Variants in PCDHGA4 observed in about 807,000 individuals in gnomAD.
The protein encoded by PCDHGA4 is protocadherin gamma-A4.
PCDHGA4 carries 38 observed loss-of-function variants against 54.6 expected under a neutral mutation model. That is an observed-to-expected ratio of 0.70 (90% CI 0.54 to 0.91). PCDHGA4 has a LOEUF of 0.91. Ranked by LOEUF, PCDHGA4 falls within the 40% of genes least tolerant of loss-of-function variation. PCDHGA4 has a pLI of 0.00. For missense variants in PCDHGA4, 1,298 were observed against 1,220.9 expected, an observed-to-expected ratio of 1.06 and a Z score of -0.94; for synonymous variants, 511 against 512.9, an observed-to-expected ratio of 1.00 and a Z score of 0.05.
rs142728816 is a variant in PCDHGA4 at position 141,356,050 on chromosome 5, G to T, written c.943G>T (p.Val315Leu). The change falls in exon 1 of 4, where the codon GTA becomes TTA. Residue 315 changes from valine to leucine, a missense_variant. By Grantham distance (32) the Val-to-Leu change is conservative. Coordinates refer to ENST00000571252, the MANE Select transcript of PCDHGA4 (RefSeq NM_018917.4). ...AGACGTGACGTATTCTTTCCGGAAA[G>T]TAAGAGACAAAATATCACAGCTATT... Reference protein sequence around the residue: ...NGDVTYSFRKVRDKISQLFQL... With the variant: ...NGDVTYSFRKLRDKISQLFQL... 1,749 of 1,613,978 alleles carry T rather than the reference G, an allele frequency of 1.1e-3. 32 individuals carry two copies. In the East Asian group the frequency reaches 0.034, roughly 31 times the overall value.
At position 141,355,176 on chromosome 5, in the gene PCDHGA4, C is replaced by T. The variant is rs1424920703; in HGVS notation, c.69C>T (p.His23=). ...CCTCGACAGAGGGAAAACCGAAGCA[C>T]AGGCGACTCCGCGGCGGGGTTGTAA... is the stretch of plus-strand genomic sequence containing the variant. The part of the protein sequence containing the change: ...PQASTEGKPK[H]RRLRGGVVMA... The change falls in exon 1 of 4, where the codon CAC becomes CAT. Residue 23 remains histidine, a synonymous_variant. Coordinates refer to ENST00000571252, the MANE Select transcript of PCDHGA4 (RefSeq NM_018917.4). 15 of 1,579,122 alleles carry T rather than the reference C, an allele frequency of 9.5e-6. No homozygotes were observed. Among genetic ancestry groups the T allele is most frequent in the African/African-American group, 1.4e-5 (1 of 73,916 alleles).
chr5:141,505,402 T>G lies in PCDHGA4; in HGVS notation c.2583T>G (p.Asn861Lys), dbSNP rs1216666169. 1.9e-6 allele frequency: 3 copies of G among 1,614,014 alleles called. No homozygotes were observed. Among genetic ancestry groups the G allele is most frequent in the Non-Finnish European group, 2.5e-6 (3 of 1,180,034 alleles). Residue 861 changes from asparagine (N) to lysine (K), a missense_variant, in exon 3 of 4, where the codon AAT (asparagine) becomes AAG (lysine). Coordinates refer to ENST00000571252, the MANE Select transcript of PCDHGA4 (RefSeq NM_018917.4). The part of the protein sequence containing the change: ...AQRPGTSGSQ[N>K]GDDTGTWPNN... ...CCTACTCTCTCCCCAGCTCCCAAAA[T>G]GGCGATGACACCGGCACCTGGCCCA...
At chr5:141,394,060 C>T (rs1437765710) in intron 1 of PCDHGA4, 1 of 1,613,662 alleles carries the variant, frequency 6.2e-7, no homozygotes, top group Non-Finnish European at 8.5e-7. Context: ...GAAAATGTCT[C>T]TATCTACAAT....
At chr5:141,385,163 A>G in intron 1 of PCDHGA4, 1 of 1,614,182 alleles carries the variant, frequency 6.2e-7, no homozygotes, top group Admixed American at 1.7e-5. Flanking sequence ...ACCTATTCCC[A>G]TGAGGTCTCC....
chr5:141,415,515 G>A (rs752258863), intron 1 of PCDHGA4: 5 of 1,614,152 alleles, frequency 3.1e-6, no homozygotes, highest in South Asian at 1.1e-5. Flanking sequence ...CCAATTATGC[G>A]GACACGCTCA....
chr5:141,429,955 A>G (rs971940539), intron 1 of PCDHGA4, among the ~76,000 whole-genome samples: 1 of 152,202 alleles, frequency 6.6e-6, no homozygotes, highest in Non-Finnish European at 1.5e-5. Context: ...TTTCCAGTCA[A>G]TGCAAGTTGG....
intron 1 of PCDHGA4, among the ~76,000 whole-genome samples, chr5:141,466,268 T>A (rs568525260): frequency 6.6e-6 from 1 of 152,150 alleles, no homozygotes; most frequent in Non-Finnish European, 1.5e-5. Context: ...CCTCGTGAGC[T>A]CAAGCAATCT....
intron 1 of PCDHGA4, among the ~76,000 whole-genome samples, chr5:141,425,585 A>G (rs1270579511): frequency 6.6e-6 from 1 of 152,252 alleles, no homozygotes; most frequent in African/African-American, 2.4e-5. Flanking sequence ...GGCTAACTTT[A>G]TTCTGAATAT....
At chr5:141,372,803 G>A (rs539583252) in intron 1 of PCDHGA4, 71 of 1,593,016 alleles carry the variant, frequency 4.5e-5, no homozygotes, top group Non-Finnish European at 6.1e-5. Flanking sequence ...CAGGCAATTT[G>A]CAAAAGGTGA....
At position 141,489,318 on chromosome 5, in the gene PCDHGA4, G is replaced by T; in HGVS notation, c.2515-5489G>T. On this transcript the variant is annotated intron_variant, in intron 1 of 3. Coordinates refer to ENST00000571252, the MANE Select transcript of PCDHGA4 (RefSeq NM_018917.4). The surrounding 1 kb of genome is among the most constrained non-coding windows in gnomAD (Gnocchi z 4.5). ...TGTTGTCCTTGTGCTGCTGGGGCTG[G>T]GTGTCTGGGCAGCTTCGTTACTCAG... The T allele has an allele frequency of 6.3e-7, 1 of 1,599,092 alleles. No homozygotes were observed. Among genetic ancestry groups the T allele is most frequent in the Non-Finnish European group, 8.5e-7 (1 of 1,171,660 alleles).
At chr5:141,423,256 G>C (rs751894091) in intron 1 of PCDHGA4, 1 of 1,613,934 alleles carries the variant, frequency 6.2e-7, no homozygotes. Flanking sequence ...GGCGGACCTC[G>C]GCAGCCTCGA....
chr5:141,393,894 C>G lies in PCDHGA4; in HGVS notation c.2514+36273C>G, dbSNP rs201697840. 1.3e-3 allele frequency: 2,063 copies of G among 1,614,000 alleles called. 4 individuals are homozygous for G. Among genetic ancestry groups the G allele is most frequent in the Non-Finnish European group, 1.6e-3 (1,902 of 1,179,890 alleles). On this transcript the variant is annotated intron_variant, in intron 1 of 3. Transcript: ENST00000571252. ...GTTTAGCCCAGTGTTAGAAAATTCT[C>G]TTCCCGGGACAGTAATTGCCTTCTT...
intron 1 of PCDHGA4, chr5:141,427,985 C>T (rs747784722): frequency 3.1e-6 from 5 of 1,597,522 alleles, no homozygotes; most frequent in African/African-American, 2.7e-5. Context: ...CGCTGGGGCC[C>T]GATGGCTCCG....
At chr5:141,419,617 C>G (rs780077182) in intron 1 of PCDHGA4, 1 of 1,612,280 alleles carries the variant, frequency 6.2e-7, no homozygotes. Flanking sequence ...AGCCAGGCTA[C>G]CTGGTGACCA....
At chr5:141,430,220 G>A (rs1216694883) in intron 1 of PCDHGA4, among the ~76,000 whole-genome samples, 1 of 148,674 alleles carries the variant, frequency 6.7e-6, no homozygotes, top group Non-Finnish European at 1.5e-5. Flanking sequence ...TATATTATAT[G>A]ATTTGTCAAA....
intron 1 of PCDHGA4, among the ~76,000 whole-genome samples, chr5:141,475,253 A>C (rs2099360990): frequency 6.6e-6 from 1 of 152,200 alleles, no homozygotes; most frequent in Non-Finnish European, 1.5e-5. Flanking sequence ...GTGCTCTACA[A>C]CTGAGATCAT....
intron 1 of PCDHGA4, chr5:141,371,815 T>C (rs966835739): frequency 1.2e-6 from 2 of 1,613,738 alleles, no homozygotes; most frequent in Non-Finnish European, 1.7e-6. Context: ...ATTGCGCATG[T>C]CAGAGCCTCG....
In PCDHGA4 at chr5:141,489,705, C is replaced by G; in HGVS notation, c.2515-5102C>G. The G allele has an allele frequency of 6.2e-7, 1 of 1,614,022 alleles. No homozygotes were observed. The highest frequency in any genetic ancestry group is 1.1e-5 in the South Asian group (1 of 91,074). ...CATCTGGGGCACGATTCCCACTGGA[C>G]AGTGCCCAGGATCCGGATGTGGGCA... On this transcript the variant is annotated intron_variant, in intron 1 of 3. Coordinates refer to ENST00000571252, the MANE Select transcript of PCDHGA4 (RefSeq NM_018917.4). The surrounding 1 kb of genome is among the most constrained non-coding windows in gnomAD (Gnocchi z 4.5).
intron 1 of PCDHGA4, among the ~76,000 whole-genome samples, chr5:141,462,012 G>A (rs1046109009): frequency 9.9e-5 from 15 of 152,128 alleles, no homozygotes; most frequent in Admixed American, 5.9e-4. Context: ...TAATAGAGAC[G>A]GGGTTTCTTC....
Sources: allele counts gnomAD v4.1 joint callset (sites outside exome capture counted in the v4.1 genomes callset), GRCh38; gene constraint gnomAD v4.1.1; non-coding constraint Gnocchi (gnomAD v3.1); transcripts MANE v1.5; gene names NCBI Gene and HGNC (gene_info 2026-07-23, HGNC 2026-07-21).